Variants in KCNIP4 observed in about 807,000 individuals in gnomAD.
KCNIP4 encodes Kv channel-interacting protein 4.
Under a neutral mutation model 34.0 loss-of-function variants are expected in KCNIP4, and 12 were observed. That is an observed-to-expected ratio of 0.35 (90% CI 0.23 to 0.57). KCNIP4 has a LOEUF of 0.57. Among genes scored for constraint, KCNIP4 ranks in the 20% least tolerant of loss-of-function variants. The pLI, the probability that KCNIP4 is intolerant of heterozygous loss-of-function variation, is 0.83. For missense variants in KCNIP4, 238 were observed against 311.7 expected, an observed-to-expected ratio of 0.76 and a Z score of 1.78; for synonymous variants, 124 against 102.2, an observed-to-expected ratio of 1.21 and a Z score of -1.29.
chr4:20,940,351 G>C (rs184533548), intron 1 of KCNIP4, among the ~76,000 whole-genome samples: 1 of 152,200 alleles, frequency 6.6e-6, no homozygotes, highest in East Asian at 1.9e-4. Flanking sequence ...TGAGTTCTTC[G>C]AGGAAGATGG....
chr4:21,567,528 A>C (rs569902567), intron 1 of KCNIP4, among the ~76,000 whole-genome samples: 1 of 152,302 alleles, frequency 6.6e-6, no homozygotes, highest in East Asian at 1.9e-4. Flanking sequence ...CTTAGTATAC[A>C]TAATAAAAAT....
intron 1 of KCNIP4, among the ~76,000 whole-genome samples, chr4:20,887,818 T>C (rs1725482273): frequency 6.6e-6 from 1 of 152,130 alleles, no homozygotes; most frequent in Admixed American, 6.6e-5. Context: ...GCACAGGAAA[T>C]TGAAAATATG....
chr4:20,925,541 A>G (rs1729817988), intron 1 of KCNIP4, among the ~76,000 whole-genome samples: 1 of 152,186 alleles, frequency 6.6e-6, no homozygotes, highest in African/African-American at 2.4e-5. Context: ...AAATAACCAT[A>G]AAAATGGGAA....
At chr4:21,022,973 C>T (rs1464292647) in intron 1 of KCNIP4, among the ~76,000 whole-genome samples, 1 of 152,100 alleles carries the variant, frequency 6.6e-6, no homozygotes, top group East Asian at 1.9e-4. Context: ...CAGGCACACA[C>T]CACCATGCCT....
intron 3 of KCNIP4, among the ~76,000 whole-genome samples, chr4:20,813,874 C>T (rs932895908): frequency 6.6e-5 from 10 of 152,078 alleles, no homozygotes; most frequent in Non-Finnish European, 1.3e-4. Flanking sequence ...AATTATTTGC[C>T]GACAATTTTT....
intron 1 of KCNIP4, among the ~76,000 whole-genome samples, chr4:21,755,394 A>G (rs1446022787): frequency 6.6e-6 from 1 of 152,210 alleles, no homozygotes; most frequent in Non-Finnish European, 1.5e-5. Context: ...GCAAATGGAC[A>G]AATAAAATTA....
intron 1 of KCNIP4, among the ~76,000 whole-genome samples, chr4:21,611,663 TTTTG>T (rs1340950187): frequency 7.2e-5 from 11 of 152,252 alleles, no homozygotes; most frequent in East Asian, 1.9e-4. Flanking sequence ...TTGTTTTTGT[TTTTG>T]TTTTTTTCCT....
At chr4:21,473,209 G>T (rs1310049804) in intron 1 of KCNIP4, among the ~76,000 whole-genome samples, 1 of 152,130 alleles carries the variant, frequency 6.6e-6, no homozygotes, top group Non-Finnish European at 1.5e-5. Flanking sequence ...AAGACATTAG[G>T]ATTTGGGGAC....
chr4:21,478,101 T>C (rs1006904066), intron 1 of KCNIP4, among the ~76,000 whole-genome samples: 9 of 152,184 alleles, frequency 5.9e-5, no homozygotes, highest in African/African-American at 2.2e-4. Flanking sequence ...TATTGCATTT[T>C]ATTTTATTTT....
At chr4:21,819,063 G>T (rs1425232800) in intron 1 of KCNIP4, among the ~76,000 whole-genome samples, 1 of 152,146 alleles carries the variant, frequency 6.6e-6, no homozygotes, top group Non-Finnish European at 1.5e-5. Context: ...TTCTCACTCA[G>T]ATTTCTAAAT....
intron 1 of KCNIP4, among the ~76,000 whole-genome samples, chr4:21,198,954 T>G (rs1756265083): frequency 6.6e-6 from 1 of 152,178 alleles, no homozygotes; most frequent in Non-Finnish European, 1.5e-5. Context: ...CCTTTCTCTG[T>G]GTGAGGAGTA....
At chr4:21,013,811 T>C (rs185089508) in intron 1 of KCNIP4, among the ~76,000 whole-genome samples, 1 of 152,204 alleles carries the variant, frequency 6.6e-6, no homozygotes, top group Non-Finnish European at 1.5e-5. Context: ...GTACAAGATA[T>C]AAAGAGACTT....
At chr4:20,898,445 G>C (rs1726797793) in intron 1 of KCNIP4, among the ~76,000 whole-genome samples, 1 of 152,096 alleles carries the variant, frequency 6.6e-6, no homozygotes, top group Non-Finnish European at 1.5e-5. Flanking sequence ...GAATGAAGGG[G>C]ATATTATTAA....
At chr4:20,948,926 C>T (rs894305281) in intron 1 of KCNIP4, among the ~76,000 whole-genome samples, 1 of 152,148 alleles carries the variant, frequency 6.6e-6, no homozygotes, top group Admixed American at 6.6e-5. Flanking sequence ...TTACAGAATA[C>T]ATTTCAAGCC....
intron 1 of KCNIP4, among the ~76,000 whole-genome samples, chr4:21,270,305 T>C (rs904809127): frequency 6.6e-6 from 1 of 152,092 alleles, no homozygotes; most frequent in Non-Finnish European, 1.5e-5. Context: ...GTACCAGCCA[T>C]TGGGCCTACC....
chr4:21,286,919 T>C (rs1327132692), intron 1 of KCNIP4, among the ~76,000 whole-genome samples: 1 of 152,136 alleles, frequency 6.6e-6, no homozygotes, highest in African/African-American at 2.4e-5. Context: ...GGAAATGTAA[T>C]TGAGAGGAGG....
intron 1 of KCNIP4, among the ~76,000 whole-genome samples, chr4:21,186,499 G>A (rs956566146): frequency 3.3e-5 from 5 of 152,150 alleles, no homozygotes; most frequent in African/African-American, 1.2e-4. Flanking sequence ...ACCTTTTCAA[G>A]CATCTCTAAG....
At chr4:21,861,684 A>G (rs1463297969) in intron 1 of KCNIP4, among the ~76,000 whole-genome samples, 1 of 137,472 alleles carries the variant, frequency 7.3e-6, no homozygotes, top group African/African-American at 2.6e-5. Context: ...AAATCCCAGC[A>G]TCTACTTTCA....
chr4:20,788,964 T>C (rs1010397197), intron 3 of KCNIP4, among the ~76,000 whole-genome samples: 12 of 152,148 alleles, frequency 7.9e-5, no homozygotes, highest in African/African-American at 2.4e-4. Context: ...CCTCCTTCCA[T>C]AGTGTGCATT....
Sources: allele counts gnomAD v4.1 joint callset (sites outside exome capture counted in the v4.1 genomes callset), GRCh38; gene constraint gnomAD v4.1.1; transcripts MANE v1.5; gene names NCBI Gene and HGNC (gene_info 2026-07-23, HGNC 2026-07-21).